The following ZC3H12B variants were observed in gnomAD, a reference collection of about 807,000 sequenced individuals.
ZC3H12B encodes probable ribonuclease ZC3H12B.
A neutral mutation model predicts 43.9 loss-of-function variants in ZC3H12B; 7 were observed. That is an observed-to-expected ratio of 0.16 (90% CI 0.09 to 0.30). The LOEUF (loss-of-function observed/expected upper bound fraction) is 0.30. Among genes scored for constraint, ZC3H12B ranks in the 10% least tolerant of loss-of-function variants. The pLI, the probability that ZC3H12B is intolerant of heterozygous loss-of-function variation, is 1.00. For missense variants in ZC3H12B, 475 were observed against 670.2 expected (o/e 0.71, Z 3.22); for synonymous variants, 222 against 241.7 (o/e 0.92, Z 0.76).
the ZC3H12B span, among the ~76,000 whole-genome samples, chrX:65,095,506 C>G: frequency 1.4e-3 from 150 of 110,997 alleles, no homozygotes; most frequent in Non-Finnish European, 2.1e-3. Flanking sequence ...TACAGAAACC[C>G]ACAAGCAGAA....
At chrX:65,227,787 A>T in the ZC3H12B span, among the ~76,000 whole-genome samples, 1 of 111,660 alleles carries the variant, frequency 9.0e-6, no homozygotes, top group Non-Finnish European at 1.9e-5. Flanking sequence ...ATCTAGAAGA[A>T]ATGGATAAAT....
At chrX:65,152,865 G>A in the ZC3H12B span, among the ~76,000 whole-genome samples, 44 of 111,795 alleles carry the variant, frequency 3.9e-4, no homozygotes, top group African/African-American at 1.3e-3. Flanking sequence ...AAACAGCATG[G>A]TACTGGTACC....
the ZC3H12B span, among the ~76,000 whole-genome samples, chrX:65,205,839 A>G: frequency 8.9e-6 from 1 of 111,925 alleles, no homozygotes; most frequent in African/African-American, 3.2e-5. Flanking sequence ...TACAAAATTA[A>G]TGTACGCACA....
chrX:65,421,549 T>C (rs1399422578), intron 3 of ZC3H12B, among the ~76,000 whole-genome samples: 1 of 112,490 alleles, frequency 8.9e-6, no homozygotes, highest in Non-Finnish European at 1.9e-5. Context: ...TTGCCTTCCC[T>C]ACACTCAATG....
the ZC3H12B span, among the ~76,000 whole-genome samples, chrX:65,084,537 C>T: frequency 1.8e-5 from 2 of 112,235 alleles, no homozygotes; most frequent in South Asian, 3.7e-4. Context: ...CAGAGAAATA[C>T]AAATAAAAAC....
chrX:65,449,427 T>TGGAC (rs780269079), intron 3 of ZC3H12B, among the ~76,000 whole-genome samples: 1 of 111,108 alleles, frequency 9.0e-6, no homozygotes, highest in African/African-American at 3.3e-5. Context: ...AAGACCAGCC[T>TGGAC]GGACAACATG....
chrX:65,382,718 A>C (rs6653213), intron 2 of ZC3H12B, among the ~76,000 whole-genome samples: 26,573 of 111,015 alleles, frequency 0.24, 7,705 homozygotes, highest in African/African-American at 0.83. Flanking sequence ...CATCTCAGCC[A>C]AAAATCTCCT....
the ZC3H12B span, among the ~76,000 whole-genome samples, chrX:65,248,074 G>A: frequency 4.2e-4 from 46 of 110,766 alleles, no homozygotes; most frequent in East Asian, 6.2e-3. Flanking sequence ...GTGGAGTCTC[G>A]CTCTGTCACC....
chrX:65,400,509 A>G (rs1306761065), intron 3 of ZC3H12B, among the ~76,000 whole-genome samples: 1 of 112,125 alleles, frequency 8.9e-6, no homozygotes, highest in Non-Finnish European at 1.9e-5. Flanking sequence ...CATCAGTCTA[A>G]CAAATTGTAT....
chrX:65,164,625 G>A, the ZC3H12B span, among the ~76,000 whole-genome samples: 2 of 112,030 alleles, frequency 1.8e-5, no homozygotes, highest in East Asian at 2.8e-4. Context: ...GCTTGGTTTT[G>A]TCCAGGAATG....
intron 3 of ZC3H12B, among the ~76,000 whole-genome samples, chrX:65,411,069 A>G (rs1221714294): frequency 8.9e-6 from 1 of 112,465 alleles, no homozygotes; most frequent in Non-Finnish European, 1.9e-5. Flanking sequence ...GTATCCATCA[A>G]CAGATGAACA....
chrX:65,395,145 A>G (rs1342452007), intron 2 of ZC3H12B, among the ~76,000 whole-genome samples: 1 of 112,014 alleles, frequency 8.9e-6, no homozygotes, highest in Non-Finnish European at 1.9e-5. Flanking sequence ...AAATCATGTC[A>G]TCTGTAAACA....
the ZC3H12B span, among the ~76,000 whole-genome samples, chrX:65,325,606 A>G: frequency 4.2e-4 from 47 of 111,959 alleles, no homozygotes; most frequent in Non-Finnish European, 7.7e-4. Context: ...ATTGAAAAAA[A>G]TAAGTAAATA....
the ZC3H12B span, among the ~76,000 whole-genome samples, chrX:65,156,008 A>G: frequency 9.0e-6 from 1 of 111,424 alleles, no homozygotes; most frequent in African/African-American, 3.3e-5. Context: ...ATCATTTTAA[A>G]AATTATTGAA....
chrX:65,054,084 T>C, the ZC3H12B span, among the ~76,000 whole-genome samples: 17 of 112,602 alleles, frequency 1.5e-4, no homozygotes, highest in Admixed American at 4.7e-4. Context: ...TGGTAATTTC[T>C]TTTGCTGTGC....
chrX:65,212,316 T>TAATA, the ZC3H12B span, among the ~76,000 whole-genome samples: 1 of 3,175 alleles, frequency 3.1e-4, no homozygotes, highest in Non-Finnish European at 5.5e-4. Context: ...AATATAATTA[T>TAATA]TATATTTATA....
the ZC3H12B span, among the ~76,000 whole-genome samples, chrX:65,306,867 C>T: frequency 4.5e-5 from 5 of 112,065 alleles, no homozygotes; most frequent in Non-Finnish European, 7.5e-5. Flanking sequence ...TTGATACATG[C>T]CACAAATTAG....
At chrX:65,131,970 T>A in the ZC3H12B span, among the ~76,000 whole-genome samples, 5 of 111,163 alleles carry the variant, frequency 4.5e-5, no homozygotes, top group Non-Finnish European at 9.4e-5. Context: ...AGAAAGTAAA[T>A]CATGAGAAAG....
chrX:65,074,546 TTAAA>T, the ZC3H12B span, among the ~76,000 whole-genome samples: 1 of 112,135 alleles, frequency 8.9e-6, no homozygotes, highest in Non-Finnish European at 1.9e-5. Flanking sequence ...TATTATTTCT[TTAAA>T]TAAATGTTTG....
Sources: allele counts gnomAD v4.1 joint callset (sites outside exome capture counted in the v4.1 genomes callset), GRCh38; gene constraint gnomAD v4.1.1; transcripts MANE v1.5; gene names NCBI Gene and HGNC (gene_info 2026-07-23, HGNC 2026-07-21).